The following NCOA2 variants were observed in gnomAD, a reference collection of about 807,000 sequenced individuals.
The protein encoded by NCOA2 is class E basic helix-loop-helix protein 75.
Under a neutral mutation model 145.1 loss-of-function variants are expected in NCOA2, and 21 were observed. That is an observed-to-expected ratio of 0.14 (90% confidence interval 0.10 to 0.21). The LOEUF is 0.21. Ranked by LOEUF, NCOA2 falls within the 10% of genes least tolerant of loss-of-function variation. The probability of loss-of-function intolerance (pLI) is 1.00; values close to 1 mark genes in which losing one functional copy is unlikely to be tolerated. For missense variants in NCOA2, 1,472 were observed against 1,837.6 expected, an observed-to-expected ratio of 0.80 and a Z score of 3.64; for synonymous variants, 619 against 637.5, an observed-to-expected ratio of 0.97 and a Z score of 0.44.
rs1806576577 is a variant in NCOA2, at chr8:70,111,972, G to A, written c.*1660C>T. On this transcript the variant is annotated 3_prime_UTR_variant, in exon 23 of 23. Coordinates refer to ENST00000452400, the MANE Select transcript of NCOA2 (RefSeq NM_006540.4). ...AAAAGGTCATCAGTTTCTTGGTATT[G>A]GAGTTGTCTGAAACTGACACCTATT... The A allele has an allele frequency of 4.5e-6, 1 of 221,388 alleles. No individual in the cohort carries two copies. Among genetic ancestry groups the A allele is most frequent in the Non-Finnish European group, 9.0e-6 (1 of 110,530 alleles). 13.7% of individuals were successfully genotyped at this position (221,388 alleles called of 1,614,324 possible).
In NCOA2 at chr8:70,273,620, A is replaced by G. The variant is rs1289991682; in HGVS notation, c.-20+23124T>C. 6.7e-6 allele frequency: 5 copies of G among 742,220 alleles called. No individual in the cohort carries two copies. In the East Asian group the frequency reaches 1.2e-4, roughly 17 times the overall value. The allele number at this position is 742,220 out of a possible 1,614,324, so 46.0% of individuals were successfully genotyped here. ...GACATCTCTGGCAGTGAACACTTTC[A>G]CCATTACAGGCTATACTGAGACAAA... On this transcript the variant is annotated intron_variant, in intron 2 of 22. Transcript: ENST00000452400.
intron 2 of NCOA2, among the ~76,000 whole-genome samples, chr8:70,218,199 G>T (rs1333428657): frequency 3.7e-5 from 5 of 133,848 alleles, no homozygotes; most frequent in South Asian, 2.4e-4. Context: ...AGTGGAGTTA[G>T]TTTTTTTTTT....
At chr8:70,244,718 T>C (rs1245215605) in intron 2 of NCOA2, among the ~76,000 whole-genome samples, 1 of 152,098 alleles carries the variant, frequency 6.6e-6, no homozygotes, top group Admixed American at 6.6e-5. Flanking sequence ...TCCTCCTGAA[T>C]TTTAGAAAAT....
chr8:70,175,762 A>C (rs927180330), intron 4 of NCOA2, among the ~76,000 whole-genome samples: 4 of 152,260 alleles, frequency 2.6e-5, no homozygotes, highest in Admixed American at 2.6e-4. Flanking sequence ...ACTTGAATAA[A>C]TTATATCCTG....
At chr8:70,153,343 C>T (rs1283980762) in intron 11 of NCOA2, among the ~76,000 whole-genome samples, 1 of 152,170 alleles carries the variant, frequency 6.6e-6, no homozygotes, top group African/African-American at 2.4e-5. Context: ...CTAGGTGAGA[C>T]AATTTTTATC....
chr8:70,174,796 C>T lies in NCOA2; in HGVS notation c.323G>A (p.Gly108Asp), dbSNP rs747953159. ...QKSDVSSTGQ[G>D]VIDKDALGPM... ...CCCCAGCGCATCCTTGTCGATGACA[C>T]CCTGCCCTGTAGAGGATACATCTGA... is the stretch of plus-strand genomic sequence containing the variant. Residue 108 changes from glycine (G) to aspartate (D), a missense_variant, in exon 5 of 23, where the codon GGT becomes GAT. Physicochemically the swap from Gly to Asp is moderately conservative, Grantham distance 94. Around this residue, in one of 4 missense-constraint regions of NCOA2, gnomAD observed 284 missense variants for 467.8 expected, o/e 0.61. Transcript: ENST00000452400. The T allele has an allele frequency of 6.2e-7, 1 of 1,613,764 alleles. No homozygotes were observed. Among genetic ancestry groups the T allele is most frequent in the East Asian group, 2.2e-5 (1 of 44,876 alleles).
intron 5 of NCOA2, among the ~76,000 whole-genome samples, chr8:70,171,282 C>T (rs1006041299): frequency 1.3e-5 from 2 of 152,174 alleles, no homozygotes; most frequent in African/African-American, 2.4e-5. Context: ...AATCTTTTAT[C>T]TTTCCCAATT....
At chr8:70,424,531 G>C in the NCOA2 span, 1 of 530,356 alleles carries the variant, frequency 1.9e-6, no homozygotes, top group African/African-American at 1.9e-5. Flanking sequence ...TTGGTGTTGA[G>C]TACTCGCAAA....
chr8:70,155,364 A>G (rs536072632), intron 11 of NCOA2, among the ~76,000 whole-genome samples: 1 of 152,338 alleles, frequency 6.6e-6, no homozygotes, highest in African/African-American at 2.4e-5. Context: ...CTCTGATCTT[A>G]AAAAGAGAGA....
intron 2 of NCOA2, among the ~76,000 whole-genome samples, chr8:70,218,900 C>T (rs537614996): frequency 3.9e-5 from 6 of 152,238 alleles, no homozygotes; most frequent in African/African-American, 1.2e-4. Context: ...TGGCTATTCC[C>T]CCCCTCAAAA....
intron 1 of NCOA2, among the ~76,000 whole-genome samples, chr8:70,316,424 T>C (rs1016120961): frequency 6.6e-6 from 1 of 152,186 alleles, no homozygotes; most frequent in Non-Finnish European, 1.5e-5. Context: ...TTCATCTCAA[T>C]CCCGATAGAA....
At chr8:70,259,272 T>C (rs922658348) in intron 2 of NCOA2, among the ~76,000 whole-genome samples, 2 of 152,208 alleles carry the variant, frequency 1.3e-5, no homozygotes, top group Non-Finnish European at 2.9e-5. Context: ...GGTCAGTCTA[T>C]AAATATGTGC....
chr8:70,391,139 GA>G (rs1156519677), intron 1 of NCOA2, among the ~76,000 whole-genome samples: 1 of 152,130 alleles, frequency 6.6e-6, no homozygotes, highest in African/African-American at 2.4e-5. Flanking sequence ...ACAGAAGAGA[GA>G]AACAGAAACT....
chr8:70,125,730 T>C (rs1808337715), intron 19 of NCOA2, among the ~76,000 whole-genome samples: 2 of 152,200 alleles, frequency 1.3e-5, no homozygotes, highest in Admixed American at 6.5e-5. Context: ...TAAAGAGCTC[T>C]GTGGTACTTT....
chr8:70,148,352 G>T lies in NCOA2; in HGVS notation c.2526C>A (p.Asp842Glu). ...GSVDKQAIIN[D>E]LMQLTAENSP... ...TGTTTTCAGCTGTGAGTTGCATGAG[G>T]TCATTGATGATGGCTTGCTTGTCAA... The change falls in exon 12 of 23, where the codon GAC becomes GAA. Residue 842 changes from aspartate (D) to glutamate (E), a missense_variant. Asp to Glu is a conservative substitution (Grantham distance 45). Coordinates refer to ENST00000452400, the MANE Select transcript of NCOA2 (RefSeq NM_006540.4). The T allele has an allele frequency of 6.2e-7, 1 of 1,614,006 alleles. No individual in the cohort carries two copies.
At chr8:70,451,400 C>CAAAAA in the NCOA2 span, among the ~76,000 whole-genome samples, 1 of 67,506 alleles carries the variant, frequency 1.5e-5, no homozygotes, top group Non-Finnish European at 2.7e-5. Flanking sequence ...AGAGTGAGAC[C>CAAAAA]AAAAAAAAAA....
the NCOA2 span, among the ~76,000 whole-genome samples, chr8:70,445,654 A>G: frequency 1.3e-5 from 2 of 152,190 alleles, no homozygotes; most frequent in African/African-American, 2.4e-5. Context: ...TCACAGAGCT[A>G]CTGTAATCAT....
At chr8:70,348,043 T>TA (rs1313268992) in intron 1 of NCOA2, among the ~76,000 whole-genome samples, 1 of 152,120 alleles carries the variant, frequency 6.6e-6, no homozygotes, top group African/African-American at 2.4e-5. Context: ...AAGAGCTGAG[T>TA]AAAAAATAGT....
intron 8 of NCOA2, 83 bp downstream of exon 8, chr8:70,163,382 T>A (rs1813263197): frequency 1.0e-6 from 1 of 954,356 alleles, no homozygotes; most frequent in African/African-American, 1.6e-5. Context: ...ATCCTTACAG[T>A]CTTCTAAATA....
Sources: allele counts gnomAD v4.1 joint callset (sites outside exome capture counted in the v4.1 genomes callset), GRCh38; gene constraint gnomAD v4.1.1; regional missense constraint gnomAD v4.1.1; transcripts MANE v1.5; gene names NCBI Gene and HGNC (gene_info 2026-07-23, HGNC 2026-07-21).